The following DMXL2 variants were observed in gnomAD, a reference collection of about 807,000 sequenced individuals.
DMXL2 encodes the protein Dmx like 2, also known as dmX-like protein 2.
In DMXL2, 103 loss-of-function variants were observed where a neutral mutation model predicts 331.1. The observed-to-expected ratio is 0.31, with a 90% CI of 0.27 to 0.37. DMXL2 has a LOEUF of 0.37. DMXL2 is among the 10% of genes least tolerant of loss of function. The pLI, the probability that DMXL2 is intolerant of heterozygous loss-of-function variation, is 1.00. For missense variants in DMXL2, 3,171 were observed against 3,642.9 expected (o/e 0.87, Z 3.33); for synonymous variants, 1,281 against 1,252.1 (o/e 1.02, Z -0.49).
intron 1 of DMXL2, among the ~76,000 whole-genome samples, chr15:51,619,742 A>G (rs2054511824): frequency 6.6e-6 from 1 of 152,234 alleles, no homozygotes; most frequent in Non-Finnish European, 1.5e-5. Context: ...GAAACACAAC[A>G]TCAGCTAAGA....
At chr15:51,522,320 A>T (rs1284323787) in intron 13 of DMXL2, among the ~76,000 whole-genome samples, 1 of 152,172 alleles carries the variant, frequency 6.6e-6, no homozygotes, top group African/African-American at 2.4e-5. Flanking sequence ...ACTGGTACCT[A>T]ATGTGGAACA....
chr15:51,579,944 GGTAA>G (rs1479851797), intron 1 of DMXL2, among the ~76,000 whole-genome samples: 1 of 152,126 alleles, frequency 6.6e-6, no homozygotes, highest in Non-Finnish European at 1.5e-5. Context: ...GCCCAGAAAG[GGTAA>G]GTAATTTGCC....
chr15:51,488,449 T>C (rs558238564), intron 21 of DMXL2, 99 bp downstream of exon 21: 27 of 1,057,332 alleles, frequency 2.6e-5, no homozygotes, highest in Non-Finnish European at 3.5e-5. Flanking sequence ...GTGGATTTGA[T>C]GAAGCTCATA....
intron 9 of DMXL2, among the ~76,000 whole-genome samples, chr15:51,539,178 C>G (rs2048450726): frequency 6.6e-6 from 1 of 151,532 alleles, no homozygotes; most frequent in African/African-American, 2.4e-5. Flanking sequence ...CCACTGCACT[C>G]CAGCCTGTGT....
In DMXL2 at chr15:51,480,136, T is replaced by A; in HGVS notation, c.6568A>T (p.Thr2190Ser). 6.5e-7 allele frequency: 1 copy of A among 1,534,582 alleles called. No homozygotes were observed. Among genetic ancestry groups the A allele is most frequent in the Admixed American group, 2.0e-5 (1 of 50,812 alleles). The change falls in exon 25 of 44, where the codon ACT becomes TCT. Residue 2190 changes from threonine to serine, a missense_variant. This residue lies in a region of DMXL2 where 197 missense variants were observed against 196.2 expected (regional missense o/e 1.00). Transcript: ENST00000560891. ...KFLLQESQQE[T>S]TVKQLQSPLP... ...GGAGACTGGAGCTGCTTTACTGTAG[T>A]TTCCTGTGGGTGATAGTGAATTATT...
chr15:51,548,995 G>C (rs1160017320), intron 6 of DMXL2, among the ~76,000 whole-genome samples: 1 of 151,958 alleles, frequency 6.6e-6, no homozygotes, highest in African/African-American at 2.4e-5. Flanking sequence ...TGGGGGAACA[G>C]GTAGTGTTTG....
At chr15:51,520,217 C>A (rs2047277472) in intron 13 of DMXL2, among the ~76,000 whole-genome samples, 1 of 152,096 alleles carries the variant, frequency 6.6e-6, no homozygotes, top group African/African-American at 2.4e-5. Context: ...TCATGTCTTA[C>A]CCATTCAGTA....
chr15:51,546,495 A>G (rs1389902973), intron 7 of DMXL2, among the ~76,000 whole-genome samples: 4 of 152,126 alleles, frequency 2.6e-5, no homozygotes, highest in Non-Finnish European at 5.9e-5. Flanking sequence ...GGCATAAACA[A>G]TCCTCAGATA....
rs2048649656 is a variant in DMXL2 at position 51,542,422 on chromosome 15, G to C, written c.1016C>G (p.Thr339Arg). The change falls in exon 9 of 44, where the codon ACA (threonine) becomes AGA (arginine). Residue 339 changes from threonine (T) to arginine (R), a missense_variant. Around this residue, in one of 7 missense-constraint regions of DMXL2, gnomAD observed 1,674 missense variants for 1,780.2 expected, o/e 0.94. Coordinates refer to ENST00000560891, the MANE Select transcript of DMXL2 (RefSeq NM_001378457.1). ...VTHAELMPDQ[T>R]AMHEVQRHIS... ...GTGTCTTTGAACTTCATGCATTGCT[G>C]TCTGGTCGGGCATTAATTCAGCATG... is the stretch of plus-strand genomic sequence containing the variant. 2 of 1,613,762 alleles carry C rather than the reference G, an allele frequency of 1.2e-6. No individual in the cohort carries two copies. Among genetic ancestry groups the C allele is most frequent in the South Asian group, 2.2e-5 (2 of 91,068 alleles).
chr15:51,506,843 A>C (rs56127635), intron 16 of DMXL2, among the ~76,000 whole-genome samples: 8,665 of 152,278 alleles, frequency 0.057, 691 homozygotes, highest in African/African-American at 0.18. Flanking sequence ...TATTAGTTCT[A>C]TGGACATCTA....
At chr15:51,475,024 A>G (rs1270025729) in intron 27 of DMXL2, among the ~76,000 whole-genome samples, 1 of 152,198 alleles carries the variant, frequency 6.6e-6, no homozygotes, top group African/African-American at 2.4e-5. Flanking sequence ...CAAAGGAAAA[A>G]AAAAGTAACT....
At chr15:51,612,455 G>C (rs1162012035) in intron 1 of DMXL2, among the ~76,000 whole-genome samples, 1 of 152,160 alleles carries the variant, frequency 6.6e-6, no homozygotes, top group Non-Finnish European at 1.5e-5. Context: ...GCCAGTCTGG[G>C]AAATAAAGGG....
chr15:51,600,067 A>G (rs778646510), intron 1 of DMXL2, among the ~76,000 whole-genome samples: 7 of 152,170 alleles, frequency 4.6e-5, no homozygotes, highest in Non-Finnish European at 1.0e-4. Flanking sequence ...AATATCCAAA[A>G]TATTTCTATC....
At chr15:51,599,538 G>T (rs1403230023) in intron 1 of DMXL2, among the ~76,000 whole-genome samples, 1 of 152,040 alleles carries the variant, frequency 6.6e-6, no homozygotes, top group Non-Finnish European at 1.5e-5. Context: ...ATACATCACT[G>T]CTCTATGTCT....
chr15:51,610,031 T>C (rs940884507), intron 1 of DMXL2, among the ~76,000 whole-genome samples: 26 of 152,330 alleles, frequency 1.7e-4, no homozygotes, highest in African/African-American at 6.3e-4. Context: ...ATCTTCATTG[T>C]TAATCAATGC....
At chr15:51,599,607 T>C (rs1201493081) in intron 1 of DMXL2, among the ~76,000 whole-genome samples, 3 of 152,252 alleles carry the variant, frequency 2.0e-5, no homozygotes, top group Non-Finnish European at 4.4e-5. Flanking sequence ...TATAAACATG[T>C]AATATATTCA....
Position 51,536,568 on chromosome 15 carries a change from G to T in DMXL2, c.1912C>A (p.Leu638Ile), listed in dbSNP as rs142770613. The T allele has an allele frequency of 1.9e-6, 3 of 1,613,986 alleles. No individual in the cohort carries two copies. Among genetic ancestry groups the T allele is most frequent in the East Asian group, 4.5e-5 (2 of 44,870 alleles). The part of the protein sequence containing the change: ...FADKSAFTTV[L>I]TVSHKFRYCG... ...TATCTAAATTTGTGAGATACAGTTA[G>T]AACAGTGGTAAAGGCAGACTTATCA... Residue 638 changes from leucine to isoleucine, a missense_variant, in exon 12 of 44, where the codon CTA becomes ATA. By Grantham distance (5) the Leu-to-Ile change is conservative. This residue lies in a region of DMXL2 where 1,674 missense variants were observed against 1,780.2 expected (regional missense o/e 0.94). Coordinates refer to ENST00000560891, the MANE Select transcript of DMXL2 (RefSeq NM_001378457.1).
chr15:51,483,988 C>A (rs2042208049), intron 23 of DMXL2, among the ~76,000 whole-genome samples: 1 of 151,848 alleles, frequency 6.6e-6, no homozygotes, highest in Admixed American at 6.6e-5. Flanking sequence ...GCCTGAGGAG[C>A]AGCCTCACTG....
intron 15 of DMXL2, among the ~76,000 whole-genome samples, chr15:51,512,773 G>A (rs1020574662): frequency 7.4e-5 from 11 of 149,468 alleles, no homozygotes; most frequent in Non-Finnish European, 1.5e-4. Flanking sequence ...CTGAGATGAC[G>A]CCACTGCACT....
Sources: allele counts gnomAD v4.1 joint callset (sites outside exome capture counted in the v4.1 genomes callset), GRCh38; gene constraint gnomAD v4.1.1; regional missense constraint gnomAD v4.1.1; transcripts MANE v1.5; gene names NCBI Gene and HGNC (gene_info 2026-07-23, HGNC 2026-07-21).